SGCZ: variants seen among roughly 807,000 people sequenced by gnomAD.
SGCZ encodes zeta-sarcoglycan.
Under a neutral mutation model 41.3 loss-of-function variants are expected in SGCZ, and 40 were observed. That is an observed-to-expected ratio of 0.97 (90% confidence interval 0.75 to 1.26). The LOEUF is 1.26. SGCZ is among the 50% of genes most tolerant of loss of function. The probability of loss-of-function intolerance (pLI) is 0.00; values close to 1 mark genes in which losing one functional copy is unlikely to be tolerated. For synonymous variants in SGCZ, 206 were observed against 137.5 expected (o/e 1.50, Z -3.49); for missense variants, 552 against 369.8 (o/e 1.49, Z -4.04).
chr8:15,192,613 G>C (rs139111818), intron 1 of SGCZ, among the ~76,000 whole-genome samples: 1 of 152,038 alleles, frequency 6.6e-6, no homozygotes, highest in Non-Finnish European at 1.5e-5. Context: ...TCTCTTTCTG[G>C]TTTACTGGCA....
intron 2 of SGCZ, among the ~76,000 whole-genome samples, chr8:14,532,438 G>C (rs73664389): frequency 0.037 from 5,691 of 151,972 alleles, 152 homozygotes; most frequent in South Asian, 0.11. Context: ...TTACTACATA[G>C]ATTTGATAAA....
intron 1 of SGCZ, among the ~76,000 whole-genome samples, chr8:15,219,014 C>T (rs1433977841): frequency 6.6e-6 from 1 of 152,180 alleles, no homozygotes; most frequent in Non-Finnish European, 1.5e-5. Context: ...CATTCGTTTT[C>T]TCCTCCAACA....
At chr8:14,443,858 A>G (rs1800348447) in intron 2 of SGCZ, among the ~76,000 whole-genome samples, 1 of 152,202 alleles carries the variant, frequency 6.6e-6, no homozygotes, top group African/African-American at 2.4e-5. Flanking sequence ...AGAAACTAAC[A>G]TCAGAGTGAA....
At chr8:14,974,746 C>T (rs1039119899) in intron 1 of SGCZ, among the ~76,000 whole-genome samples, 2 of 151,920 alleles carry the variant, frequency 1.3e-5, no homozygotes, top group African/African-American at 2.4e-5. Flanking sequence ...AGGCACACAT[C>T]CTTTTGTGAA....
At chr8:14,369,021 A>ATG (rs10655274) in intron 2 of SGCZ, among the ~76,000 whole-genome samples, 7,857 of 145,468 alleles carry the variant, frequency 0.054, 258 homozygotes, top group African/African-American at 0.099. Flanking sequence ...GCAAATGTAA[A>ATG]TGTGTGTGTG....
chr8:14,690,578 G>C (rs1376330195), intron 1 of SGCZ: 3 of 152,168 alleles, frequency 2.0e-5, no homozygotes, highest in African/African-American at 7.2e-5. Context: ...TGAAAGCTTA[G>C]TCCACAAAGA....
At chr8:14,475,782 C>A (rs1250854357) in intron 2 of SGCZ, among the ~76,000 whole-genome samples, 1 of 152,012 alleles carries the variant, frequency 6.6e-6, no homozygotes, top group Non-Finnish European at 1.5e-5. Flanking sequence ...ACACAACAAG[C>A]AATATATTAG....
intron 1 of SGCZ, among the ~76,000 whole-genome samples, chr8:14,690,031 G>A (rs1246508995): frequency 6.6e-6 from 1 of 151,662 alleles, no homozygotes; most frequent in African/African-American, 2.4e-5. Flanking sequence ...ACTTTCAAAG[G>A]AAGATTTTAG....
chr8:14,432,518 G>A (rs530545188), intron 2 of SGCZ, among the ~76,000 whole-genome samples: 1 of 152,214 alleles, frequency 6.6e-6, no homozygotes, highest in African/African-American at 2.4e-5. Flanking sequence ...TGGACTTTGG[G>A]GACTCAGGGT....
At chr8:14,268,274 C>T (rs1799944012) in intron 3 of SGCZ, among the ~76,000 whole-genome samples, 1 of 149,356 alleles carries the variant, frequency 6.7e-6, no homozygotes, top group African/African-American at 2.4e-5. Context: ...GTCTTCCCTA[C>T]TCCCAGGATA....
At chr8:14,970,368 T>G (rs1201084386) in intron 1 of SGCZ, among the ~76,000 whole-genome samples, 1 of 152,154 alleles carries the variant, frequency 6.6e-6, no homozygotes, top group Non-Finnish European at 1.5e-5. Context: ...TGCTCCTTGG[T>G]AGATTTTGAT....
At chr8:14,489,644 A>G (rs1003089621) in intron 2 of SGCZ, among the ~76,000 whole-genome samples, 3 of 152,084 alleles carry the variant, frequency 2.0e-5, no homozygotes, top group African/African-American at 7.2e-5. Context: ...CAACTAGAAA[A>G]AAGACTTGAA....
At chr8:14,540,585 A>T (rs75107948) in intron 2 of SGCZ, among the ~76,000 whole-genome samples, 15,403 of 151,734 alleles carry the variant, frequency 0.1, 982 homozygotes, top group East Asian at 0.18. Flanking sequence ...TTCTCCAAAA[A>T]TAGCTATATT....
chr8:14,933,660 G>A (rs1259130719), intron 1 of SGCZ, among the ~76,000 whole-genome samples: 1 of 151,796 alleles, frequency 6.6e-6, no homozygotes, highest in Non-Finnish European at 1.5e-5. Flanking sequence ...TACCGTGTTA[G>A]CCAGGATGAT....
intron 2 of SGCZ, among the ~76,000 whole-genome samples, chr8:14,472,638 CCTCTTCCATTCTACTGGTCT>C (rs1801246060): frequency 6.6e-6 from 1 of 152,028 alleles, no homozygotes; most frequent in South Asian, 2.1e-4. Context: ...TTGCAAGGAT[CCTCTTCCATTCTACTGGTCT>C]CAAAAGGCAA....
Position 14,914,831 on chromosome 8 carries a change from T to C in SGCZ, c.39+322754A>G, listed in dbSNP as rs958670859. Among the ~76,000 whole-genome samples, 9 of 152,286 alleles carry C rather than the reference T, an allele frequency of 5.9e-5. No homozygotes were observed. The East Asian group carries it at 1.5e-3, about 26-fold the overall frequency. Reference sequence around the variant, plus strand: ...TGGAGAGCTACTGTGGGAAAGATTGTTATGCAGGCACTTCAGAAGGCCTCA... The same window carrying C: ...TGGAGAGCTACTGTGGGAAAGATTGCTATGCAGGCACTTCAGAAGGCCTCA... On this transcript the variant is annotated intron_variant, in intron 1 of 7. Transcript: ENST00000382080.
intron 2 of SGCZ, among the ~76,000 whole-genome samples, chr8:14,366,738 A>G (rs1803720323): frequency 6.6e-6 from 1 of 152,132 alleles, no homozygotes; most frequent in Admixed American, 6.6e-5. Flanking sequence ...TATTAACTGA[A>G]GAGTTCACAG....
chr8:14,998,206 T>A (rs1802286643), intron 1 of SGCZ, among the ~76,000 whole-genome samples: 1 of 152,180 alleles, frequency 6.6e-6, no homozygotes, highest in Non-Finnish European at 1.5e-5. Context: ...AGTAAACATC[T>A]GTACATAAAC....
At chr8:14,603,789 T>G (rs561056233) in intron 1 of SGCZ, among the ~76,000 whole-genome samples, 1 of 152,300 alleles carries the variant, frequency 6.6e-6, no homozygotes, top group African/African-American at 2.4e-5. Flanking sequence ...TGTTACATGA[T>G]TTAGTTTCCT....
Sources: gnomAD v4.1 joint callset for allele counts (sites outside exome capture counted in the v4.1 genomes callset) on GRCh38, gnomAD v4.1.1 for gene constraint, MANE v1.5 for transcripts, NCBI Gene and HGNC (gene_info 2026-07-23, HGNC 2026-07-21) for gene names.